The following DENND2A variants were observed in gnomAD, a reference collection of about 807,000 sequenced individuals.
DENND2A encodes the protein DENN domain containing 2A.
In DENND2A, 53 loss-of-function variants were observed where a neutral mutation model predicts 105.3. The ratio of observed to expected loss-of-function variants is 0.50; its 90% CI spans 0.40 to 0.63. The LOEUF (loss-of-function observed/expected upper bound fraction) is 0.63. Ranked by LOEUF, DENND2A falls within the 30% of genes least tolerant of loss-of-function variation. DENND2A has a pLI of 0.00. For missense variants in DENND2A, 1,138 were observed against 1,279.6 expected (o/e 0.89, Z 1.69); for synonymous variants, 522 against 508.4 (o/e 1.03, Z -0.36).
At chr7:140,555,780 G>GT in intron 11 of DENND2A, 67 bp from the exon 12 acceptor site, 5 of 1,411,440 alleles carry the variant, frequency 3.5e-6, no homozygotes, top group South Asian at 1.3e-5. Flanking sequence ...GAACCCACAT[G>GT]TTTTTTGCGA....
At chr7:140,592,834 C>T (rs1318238060) in intron 3 of DENND2A, among the ~76,000 whole-genome samples, 1 of 149,746 alleles carries the variant, frequency 6.7e-6, no homozygotes, top group Non-Finnish European at 1.5e-5. Context: ...AACTCCTGGG[C>T]TCAAGCGACC....
intron 1 of DENND2A, among the ~76,000 whole-genome samples, chr7:140,620,202 A>C (rs1800231035): frequency 6.6e-6 from 1 of 152,082 alleles, no homozygotes; most frequent in African/African-American, 2.4e-5. Flanking sequence ...TCTCAAAAAA[A>C]TAAAAAAAGA....
rs373282138 is a variant in DENND2A, at chr7:140,534,475, AAAAT to A, written c.2328-6984_2328-6981del. ...TTCCATGAGTGGCAGCCCTTTCCTCAAAATAAATGATAGAGCAGGAAAGGATTAT... is the reference window on the plus strand; with the variant it reads ...TTCCATGAGTGGCAGCCCTTTCCTCAAAATGATAGAGCAGGAAAGGATTAT... On this transcript the variant is annotated intron_variant, in intron 14 of 19. Coordinates refer to ENST00000496613, the MANE Select transcript of DENND2A (RefSeq NM_015689.5). Among the ~76,000 whole-genome samples, 563 of 152,346 alleles carry A rather than the reference AAAAT, an allele frequency of 3.7e-3. 6 individuals carry two copies. The highest frequency in any genetic ancestry group is 0.013 in the African/African-American group (523 of 41,582).
rs886566065 is a variant in DENND2A at position 140,523,958 on chromosome 7, T to G, written c.2548-534A>C. Among the ~76,000 whole-genome samples, 4 of 152,158 alleles carry G rather than the reference T, an allele frequency of 2.6e-5. No homozygotes were observed. Among genetic ancestry groups the G allele is most frequent in the African/African-American group, 4.8e-5 (2 of 41,426 alleles). On this transcript the variant is annotated intron_variant, in intron 16 of 19. Transcript: ENST00000496613. This position sits in a 1 kb window ranked among gnomAD's most constrained non-coding sequence, Gnocchi z 4.5. ...ATCAATCTGTACCTTGTTGTGAAGC[T>G]ACAATGGACTACAATTACCCTGTGA... is the stretch of plus-strand genomic sequence containing the variant.
intron 1 of DENND2A, among the ~76,000 whole-genome samples, chr7:140,634,842 A>C (rs1332765281): frequency 6.6e-6 from 1 of 152,098 alleles, no homozygotes; most frequent in Non-Finnish European, 1.5e-5. Flanking sequence ...ACTGCACTCC[A>C]GTGCAGCTAC....
At chr7:140,562,597 G>A (rs1160096494) in intron 9 of DENND2A, among the ~76,000 whole-genome samples, 2 of 152,142 alleles carry the variant, frequency 1.3e-5, no homozygotes, top group East Asian at 1.9e-4. Context: ...GGGAGGCAGA[G>A]CTTGCAGTGA....
intron 9 of DENND2A, among the ~76,000 whole-genome samples, chr7:140,562,149 A>G (rs1025013670): frequency 6.6e-6 from 1 of 150,868 alleles, no homozygotes; most frequent in Non-Finnish European, 1.5e-5. Context: ...TGGCCTCCCA[A>G]AGTGTTGGGA....
chr7:140,593,874 A>G (rs986040489), intron 3 of DENND2A, among the ~76,000 whole-genome samples: 2 of 151,744 alleles, frequency 1.3e-5, no homozygotes, highest in African/African-American at 4.8e-5. Flanking sequence ...GGCTGCTGAC[A>G]GGATGGTCTC....
intron 1 of DENND2A, among the ~76,000 whole-genome samples, chr7:140,621,800 A>G (rs1251968490): frequency 6.6e-6 from 1 of 152,238 alleles, no homozygotes; most frequent in Non-Finnish European, 1.5e-5. Context: ...GTGAAAGTGA[A>G]TGCCACTTGT....
intron 16 of DENND2A, among the ~76,000 whole-genome samples, chr7:140,525,126 G>A (rs549604410): frequency 8.0e-5 from 12 of 149,908 alleles, no homozygotes; most frequent in Non-Finnish European, 1.6e-4. Flanking sequence ...GTTTGAGACC[G>A]GCCTGGGCAA....
At chr7:140,583,323 A>ACAAG (rs1798621731) in intron 5 of DENND2A, among the ~76,000 whole-genome samples, 1 of 149,810 alleles carries the variant, frequency 6.7e-6, no homozygotes, top group East Asian at 1.9e-4. Flanking sequence ...AAACAAACAA[A>ACAAG]CAAGCAAACA....
intron 1 of DENND2A, among the ~76,000 whole-genome samples, chr7:140,628,528 A>ATTTC (rs1800614244): frequency 1.4e-5 from 2 of 143,230 alleles, no homozygotes; most frequent in South Asian, 2.2e-4. Context: ...TTGGCCTAAA[A>ATTTC]TTTCTTTCTT....
intron 3 of DENND2A, among the ~76,000 whole-genome samples, chr7:140,594,251 G>A (rs184016443): frequency 4.4e-4 from 67 of 152,204 alleles, no homozygotes; most frequent in African/African-American, 1.5e-3. Context: ...TCTTAAAAAT[G>A]TTCCTTTTTT....
At position 140,602,472 on chromosome 7, in the gene DENND2A, G is replaced by C. The variant is rs1585736195; in HGVS notation, c.-75C>G. On this transcript the variant is annotated 5_prime_UTR_variant, in exon 3 of 20. Coordinates refer to ENST00000496613, the MANE Select transcript of DENND2A (RefSeq NM_015689.5). ...AAGCCTGACTCCTGATCAGTCTCTA[G>C]GAATGGAATGGAGGACTAAAGTGGA... is the stretch of plus-strand genomic sequence containing the variant. 6.9e-7 allele frequency: 1 copy of C among 1,449,936 alleles called. No individual in the cohort carries two copies. The highest frequency in any genetic ancestry group is 2.4e-5 in the East Asian group (1 of 42,370). 89.8% of individuals were successfully genotyped at this position (1,449,936 alleles called of 1,614,324 possible).
chr7:140,634,050 G>A (rs1350297462), intron 1 of DENND2A, among the ~76,000 whole-genome samples: 1 of 150,642 alleles, frequency 6.6e-6, no homozygotes. Flanking sequence ...CCAGGATGGA[G>A]TGCAGTGGCG....
At chr7:140,542,650 C>T (rs1229293439) in intron 14 of DENND2A, among the ~76,000 whole-genome samples, 7 of 150,988 alleles carry the variant, frequency 4.6e-5, no homozygotes, top group East Asian at 3.9e-4. Context: ...CTGTAACCTC[C>T]GCCTCCCGGG....
At chr7:140,621,299 T>C (rs910308522) in intron 1 of DENND2A, among the ~76,000 whole-genome samples, 1 of 152,056 alleles carries the variant, frequency 6.6e-6, no homozygotes, top group Non-Finnish European at 1.5e-5. Flanking sequence ...CCTCCCAAAG[T>C]GCTAGGATTA....
At chr7:140,566,188 C>A (rs60872627) in intron 9 of DENND2A, among the ~76,000 whole-genome samples, 32 of 152,056 alleles carry the variant, frequency 2.1e-4, no homozygotes, top group African/African-American at 6.3e-4. Context: ...CCTGCCACCA[C>A]GCCCAGCTAA....
At chr7:140,525,692 C>A in intron 16 of DENND2A, 59 bp downstream of exon 16, 4 of 1,488,954 alleles carry the variant, frequency 2.7e-6, no homozygotes, top group South Asian at 1.3e-5. Context: ...AGAGCTGAGC[C>A]CCAAACAACA....
Sources: allele counts gnomAD v4.1 joint callset (sites outside exome capture counted in the v4.1 genomes callset), GRCh38; gene constraint gnomAD v4.1.1; non-coding constraint Gnocchi (gnomAD v3.1); transcripts MANE v1.5; gene names NCBI Gene and HGNC (gene_info 2026-07-23, HGNC 2026-07-21).